The following WNT2B variants were observed in gnomAD, a reference collection of about 807,000 sequenced individuals.
The protein encoded by WNT2B is Wnt family member 2B, also known as protein Wnt-2b.
In WNT2B, 19 loss-of-function variants were observed where a neutral mutation model predicts 40.5. The ratio of observed to expected loss-of-function variants is 0.47; its 90% confidence interval spans 0.33 to 0.69. The LOEUF is 0.69. Among genes scored for constraint, WNT2B ranks in the 30% least tolerant of loss-of-function variants. WNT2B has a pLI of 0.02. For missense variants in WNT2B, 467 were observed against 556.4 expected, an observed-to-expected ratio of 0.84 and a Z score of 1.62; for synonymous variants, 220 against 211.9, an observed-to-expected ratio of 1.04 and a Z score of -0.33.
intron 1 of WNT2B, among the ~76,000 whole-genome samples, chr1:112,494,202 C>A (rs1018854935): frequency 4.0e-5 from 6 of 150,342 alleles, no homozygotes; most frequent in Non-Finnish European, 8.8e-5. Context: ...CCCAGCTACT[C>A]GGGAGGCTGA....
chr1:112,528,455 G>C lies in WNT2B; in HGVS notation c.*7946G>C, dbSNP rs1200881342. ...GTCAGTAAACATCAGGGCACCTATG[G>C]AAAAGCACAAGGATGAGTCCATTTG... On this transcript the variant is annotated 3_prime_UTR_variant, in exon 5 of 5. Coordinates refer to ENST00000369684, the MANE Select transcript of WNT2B (RefSeq NM_024494.3). 5 of 151,890 alleles carry C rather than the reference G, an allele frequency of 3.3e-5. No individual in the cohort carries two copies. In the East Asian group the frequency reaches 9.7e-4, roughly 29 times the overall value. The allele number at this position is 151,890 out of a possible 1,614,324, so 9.4% of individuals were successfully genotyped here.
chr1:112,513,849 G>A (rs1652437775), intron 1 of WNT2B, among the ~76,000 whole-genome samples: 1 of 152,226 alleles, frequency 6.6e-6, no homozygotes, highest in African/African-American at 2.4e-5. Context: ...AGAATGACAA[G>A]TGGAGCTGGG....
At chr1:112,514,377 T>C (rs1316744149) in intron 1 of WNT2B, among the ~76,000 whole-genome samples, 1 of 152,120 alleles carries the variant, frequency 6.6e-6, no homozygotes. Flanking sequence ...GCTCACTATG[T>C]CTCTTCCCAC....
chr1:112,501,591 G>A (rs115618548), intron 1 of WNT2B, among the ~76,000 whole-genome samples: 13,230 of 152,140 alleles, frequency 0.087, 1,920 homozygotes, highest in African/African-American at 0.3. Flanking sequence ...AAACTGTTTT[G>A]TTTTGTTGCC....
In WNT2B at chr1:112,467,424, T is replaced by C. The variant is rs534492435; in HGVS notation, c.-262T>C. ...CACTGGCATGGCCCCTTCCAAACCC[T>C]GAAGAGCCCAAGCAATGTGGTTGTA... On this transcript the variant is annotated 5_prime_UTR_variant, in exon 1 of 5. Transcript: ENST00000256640. The C allele has an allele frequency of 1.5e-5, 10 of 675,306 alleles. No homozygotes were observed. In the South Asian group the frequency reaches 1.5e-4, roughly 10 times the overall value. The allele number at this position is 675,306 out of a possible 1,614,324, so 41.8% of individuals were successfully genotyped here. A position where few individuals can be genotyped will look rare whatever the true frequency, so the allele number is the denominator to read the frequency against.
intron 1 of WNT2B, among the ~76,000 whole-genome samples, chr1:112,485,440 G>A (rs954813685): frequency 1.4e-5 from 2 of 142,630 alleles, no homozygotes; most frequent in Non-Finnish European, 3.0e-5. Context: ...CAGCCTGGGC[G>A]ACAAAGTGAG....
At chr1:112,468,047 A>G (rs186776692) in intron 1 of WNT2B, among the ~76,000 whole-genome samples, 195 of 152,340 alleles carry the variant, frequency 1.3e-3, no homozygotes, top group African/African-American at 4.6e-3. Flanking sequence ...ACATATGAGT[A>G]AGAACATGCA....
chr1:112,507,648 C>T (rs1449009695), upstream of WNT2B, among the ~76,000 whole-genome samples: 2 of 152,196 alleles, frequency 1.3e-5, no homozygotes, highest in African/African-American at 2.4e-5. Context: ...ACTCGGGAGG[C>T]ACCTCTAACG....
chr1:112,480,380 AAAAG>A (rs1397388939), intron 1 of WNT2B, among the ~76,000 whole-genome samples: 4 of 147,936 alleles, frequency 2.7e-5, no homozygotes, highest in African/African-American at 1.1e-4. Flanking sequence ...AAAAAAAAAA[AAAAG>A]AGAAGACAGT....
At position 112,497,107 on chromosome 1, in the gene WNT2B, A is replaced by C. The variant is rs114891659; in HGVS notation, c.-94-17767A>C. Among the ~76,000 whole-genome samples, 458 of 152,264 alleles carry C rather than the reference A, an allele frequency of 3.0e-3. 2 individuals are homozygous for C. Among genetic ancestry groups the C allele is most frequent in the African/African-American group, 0.01 (433 of 41,562 alleles). On this transcript the variant is annotated intron_variant, in intron 1 of 4. Transcript: ENST00000256640. ...GCCCCACTCCCACAGTTTTGCTGGAACCAGCCTACACAGCAGCTCTTATGG... is the reference window on the plus strand; with the variant it reads ...GCCCCACTCCCACAGTTTTGCTGGACCCAGCCTACACAGCAGCTCTTATGG...
chr1:112,490,091 A>G lies in WNT2B; in HGVS notation c.-95+22500A>G, dbSNP rs1357392411. Among the ~76,000 whole-genome samples, 3 of 151,944 alleles carry G rather than the reference A, an allele frequency of 2.0e-5. No homozygotes were observed. In the East Asian group the frequency reaches 5.8e-4, roughly 29 times the overall value. ...AGAGTGGATGCCTATTACCAGGGGAAGGAATAAGAGTGGGAAATGGGATAC... is the reference window on the plus strand; with the variant it reads ...AGAGTGGATGCCTATTACCAGGGGAGGGAATAAGAGTGGGAAATGGGATAC... On this transcript the variant is annotated intron_variant, in intron 1 of 4. Transcript: ENST00000256640.
At chr1:112,479,299 C>T (rs925295623) in intron 1 of WNT2B, among the ~76,000 whole-genome samples, 3 of 151,854 alleles carry the variant, frequency 2.0e-5, no homozygotes, top group South Asian at 4.2e-4. Flanking sequence ...AGGGGCTGGG[C>T]GTGGGGGCTC....
chr1:112,505,222 A>G (rs1187431606), upstream of WNT2B, among the ~76,000 whole-genome samples: 1 of 152,204 alleles, frequency 6.6e-6, no homozygotes, highest in Admixed American at 6.5e-5. Context: ...GGCAGCTTTC[A>G]GGGGACCTGG....
chr1:112,506,287 C>G (rs768342187), upstream of WNT2B, among the ~76,000 whole-genome samples: 15 of 152,236 alleles, frequency 9.9e-5, no homozygotes, highest in Non-Finnish European at 1.9e-4. Context: ...GCGTAAGCCA[C>G]CAAGCCTGGG....
chr1:112,528,103 A>C lies in WNT2B; in HGVS notation c.*7594A>C, dbSNP rs1447675123. 1 of 152,208 alleles carries C rather than the reference A, an allele frequency of 6.6e-6. No individual in the cohort carries two copies. The highest frequency in any genetic ancestry group is 1.5e-5 in the Non-Finnish European group (1 of 68,034). 9.4% of individuals were successfully genotyped at this position (152,208 alleles called of 1,614,324 possible). A position where few individuals can be genotyped will look rare whatever the true frequency, so the allele number is the denominator to read the frequency against. On this transcript the variant is annotated 3_prime_UTR_variant, in exon 5 of 5. Transcript: ENST00000369684. ...AGTCTGAGAATAAAGGAATTAGGTT[A>C]ATGAGATTAAGCAGAGATGGCATTC...
chr1:112,473,240 G>GAAAA (rs1650947227), intron 1 of WNT2B, among the ~76,000 whole-genome samples: 1 of 136,692 alleles, frequency 7.3e-6, no homozygotes, highest in Non-Finnish European at 1.6e-5. Flanking sequence ...AGGAAGGAAG[G>GAAAA]AAAAGAGGGA....
chr1:112,521,133 CTCTT>C lies in WNT2B; in HGVS notation c.*626_*629del, dbSNP rs1652846626. On this transcript the variant is annotated 3_prime_UTR_variant, in exon 5 of 5. Coordinates refer to ENST00000369684, the MANE Select transcript of WNT2B (RefSeq NM_024494.3). ...AACAATACAAACACACATTCATTCT[CTCTT>C]TTTCTCTCTACCATTCTCAACCTGT... 1 of 153,182 alleles carries C rather than the reference CTCTT, an allele frequency of 6.5e-6. No homozygotes were observed. The highest frequency in any genetic ancestry group is 2.1e-4 in the South Asian group (1 of 4,870). The allele number at this position is 153,182 out of a possible 1,614,324, so 9.5% of individuals were successfully genotyped here.
chr1:112,514,828 A>AG (rs745482527), intron 1 of WNT2B, 46 bp from the exon 2 acceptor site: 2 of 1,591,466 alleles, frequency 1.3e-6, no homozygotes, highest in Admixed American at 1.7e-5. Flanking sequence ...CTCCCAATGC[A>AG]GAAAAAGGTC....
At chr1:112,469,605 A>G (rs1650810505) in intron 1 of WNT2B, among the ~76,000 whole-genome samples, 1 of 149,856 alleles carries the variant, frequency 6.7e-6, no homozygotes, top group South Asian at 2.1e-4. Flanking sequence ...TTTTTTAGCT[A>G]TTGTAAATCA....
Sources: allele counts gnomAD v4.1 joint callset (sites outside exome capture counted in the v4.1 genomes callset), GRCh38; gene constraint gnomAD v4.1.1; transcripts MANE v1.5; gene names NCBI Gene and HGNC (gene_info 2026-07-23, HGNC 2026-07-21).